MAP2K5: variants seen among roughly 807,000 people sequenced by gnomAD.
MAP2K5 encodes the protein mitogen-activated protein kinase kinase 5, also known as dual specificity mitogen-activated protein kinase kinase 5.
MAP2K5 carries 49 observed loss-of-function variants against 83.1 expected under a neutral mutation model. That is an observed-to-expected ratio of 0.59 (90% CI 0.47 to 0.75). The LOEUF (loss-of-function observed/expected upper bound fraction) is 0.75. Among genes scored for constraint, MAP2K5 ranks in the 30% least tolerant of loss-of-function variants. The pLI, the probability that MAP2K5 is intolerant of heterozygous loss-of-function variation, is 0.00. For missense variants in MAP2K5, 457 were observed against 557.5 expected (o/e 0.82, Z 1.82); for synonymous variants, 202 against 191.8 (o/e 1.05, Z -0.44).
rs1206833399 is a variant in MAP2K5, at chr15:67,559,111, G to A, written c.185-4172G>A. 2.6e-5 allele frequency among the ~76,000 whole-genome samples: 4 copies of A among 152,216 alleles called. No homozygotes were observed. Among genetic ancestry groups the A allele is most frequent in the African/African-American group, 9.6e-5 (4 of 41,452 alleles). On this transcript the variant is annotated intron_variant, in intron 2 of 21. Coordinates refer to ENST00000178640, the MANE Select transcript of MAP2K5 (RefSeq NM_145160.3). This position sits in a 1 kb window ranked among gnomAD's most constrained non-coding sequence, Gnocchi z 4.7. ...TTTAAACATGACATCTTTTCCGGTA[G>A]TTTCCTGTTGATGTCTTTCTAACTT...
At position 67,779,246 on chromosome 15, in the gene MAP2K5, CTGTT is replaced by C. The variant is rs369612381; in HGVS notation, c.1242+6498_1242+6501del. ...AAGTTCTGAAGGCCATTAAAATCAT[CTGTT>C]TGTGTCTGCTTATAAAGAGGAACCC... On this transcript the variant is annotated intron_variant, in intron 21 of 21. Coordinates refer to ENST00000178640, the MANE Select transcript of MAP2K5 (RefSeq NM_145160.3). The surrounding 1 kb of genome is among the most constrained non-coding windows in gnomAD (Gnocchi z 4.6). Among the ~76,000 whole-genome samples, 96 of 152,278 alleles carry C rather than the reference CTGTT, an allele frequency of 6.3e-4. 1 individual carries two copies. In the East Asian group the frequency reaches 0.016, roughly 26 times the overall value.
intron 8 of MAP2K5, among the ~76,000 whole-genome samples, chr15:67,603,708 T>G (rs531374483): frequency 1.9e-4 from 29 of 152,352 alleles, no homozygotes; most frequent in Middle Eastern, 6.8e-3. Context: ...CATTGATAAA[T>G]GAGGATCCAC....
rs2089703822 is a variant in MAP2K5, at chr15:67,750,899, A to C, written c.1134+2298A>C. On this transcript the variant is annotated intron_variant, in intron 19 of 21. Transcript: ENST00000178640. The surrounding 1 kb of genome is among the most constrained non-coding windows in gnomAD (Gnocchi z 4.2). ...TATATACTATTTCCTGTTAGAGAAAAGTCAGATCAAAAATTACTTCCCCTG... is the reference window on the plus strand; with the variant it reads ...TATATACTATTTCCTGTTAGAGAAACGTCAGATCAAAAATTACTTCCCCTG... Among the ~76,000 whole-genome samples the C allele has an allele frequency of 6.6e-6, 1 of 152,132 alleles. No homozygotes were observed. Among genetic ancestry groups the C allele is most frequent in the Non-Finnish European group, 1.5e-5 (1 of 68,028 alleles).
intron 11 of MAP2K5, among the ~76,000 whole-genome samples, chr15:67,648,350 C>T (rs2086875319): frequency 6.6e-6 from 1 of 152,100 alleles, no homozygotes; most frequent in Non-Finnish European, 1.5e-5. Flanking sequence ...TGTCTGGCTT[C>T]CTTTACTTAG....
At chr15:67,739,385 C>T (rs377516957) in intron 17 of MAP2K5, among the ~76,000 whole-genome samples, 11 of 135,456 alleles carry the variant, frequency 8.1e-5, no homozygotes, top group African/African-American at 2.5e-4. Context: ...ACAGTCAAGC[C>T]AGTAAGACAC....
chr15:67,630,122 T>C (rs1461126959), intron 8 of MAP2K5, among the ~76,000 whole-genome samples: 1 of 152,194 alleles, frequency 6.6e-6, no homozygotes, highest in African/African-American at 2.4e-5. Flanking sequence ...TAGTCCTAGC[T>C]ACTCAGGAGG....
intron 19 of MAP2K5, among the ~76,000 whole-genome samples, chr15:67,762,213 G>A (rs1338873426): frequency 6.6e-6 from 1 of 152,164 alleles, no homozygotes; most frequent in Non-Finnish European, 1.5e-5. Context: ...TTTTACTTTT[G>A]TAAATGAAAT....
At chr15:67,761,753 T>G (rs1170708061) in intron 19 of MAP2K5, among the ~76,000 whole-genome samples, 1 of 152,232 alleles carries the variant, frequency 6.6e-6, no homozygotes, top group Non-Finnish European at 1.5e-5. Context: ...AGATCAATTT[T>G]TTTTCATTTA....
chr15:67,663,936 A>C (rs558032163), intron 12 of MAP2K5, among the ~76,000 whole-genome samples: 1 of 152,240 alleles, frequency 6.6e-6, no homozygotes, highest in Admixed American at 6.5e-5. Context: ...TACACACAGA[A>C]GTATAGAAAA....
rs1407118936 is a variant in MAP2K5, at chr15:67,565,186, C to T, written c.252+1836C>T. 6.6e-6 allele frequency among the ~76,000 whole-genome samples: 1 copy of T among 152,100 alleles called. No homozygotes were observed. The highest frequency in any genetic ancestry group is 2.4e-5 in the African/African-American group (1 of 41,416). ...CATTTACTGTTTTACACTGTCTCTC[C>T]CCCACCTTCCTCTTTGCAGGATTTT... On this transcript the variant is annotated intron_variant, in intron 3 of 21. Transcript: ENST00000178640. This position sits in a 1 kb window ranked among gnomAD's most constrained non-coding sequence, Gnocchi z 4.1.
At position 67,768,379 on chromosome 15, in the gene MAP2K5, G is replaced by A. The variant is rs149731472; in HGVS notation, c.1135-1223G>A. Among the ~76,000 whole-genome samples, 305 of 152,054 alleles carry A rather than the reference G, an allele frequency of 2.0e-3. 2 individuals carry two copies. Among genetic ancestry groups the A allele is most frequent in the Middle Eastern group, 3.4e-3 (1 of 294 alleles). On this transcript the variant is annotated intron_variant, in intron 19 of 21. Transcript: ENST00000178640. This position sits in a 1 kb window ranked among gnomAD's most constrained non-coding sequence, Gnocchi z 4.0. ...CACTACATCAAAGCTATTTCCTCTCGTTCTCAATAATGAATACATGCATGC... is the reference window on the plus strand; with the variant it reads ...CACTACATCAAAGCTATTTCCTCTCATTCTCAATAATGAATACATGCATGC...
At chr15:67,607,126 T>C (rs914214253) in intron 8 of MAP2K5, among the ~76,000 whole-genome samples, 5 of 152,226 alleles carry the variant, frequency 3.3e-5, no homozygotes, top group Admixed American at 2.6e-4. Flanking sequence ...GTTTGATTTA[T>C]TTTGACTTTA....
At chr15:67,602,088 T>A (rs2085670439) in intron 8 of MAP2K5, among the ~76,000 whole-genome samples, 1 of 152,264 alleles carries the variant, frequency 6.6e-6, no homozygotes, top group African/African-American at 2.4e-5. Flanking sequence ...AGGTCCAATG[T>A]GTCTAATGAT....
At chr15:67,805,691 C>T (rs887690295) in intron 21 of MAP2K5, among the ~76,000 whole-genome samples, 8 of 152,200 alleles carry the variant, frequency 5.3e-5, no homozygotes, top group Non-Finnish European at 1.0e-4. Flanking sequence ...CATTCTCTGT[C>T]CTCGCTATGG....
Position 67,794,539 on chromosome 15 carries a change from T to TA in MAP2K5, c.1243-12106dup, listed in dbSNP as rs1224578032. On this transcript the variant is annotated intron_variant, in intron 21 of 21. Coordinates refer to ENST00000178640, the MANE Select transcript of MAP2K5 (RefSeq NM_145160.3). This position sits in a 1 kb window ranked among gnomAD's most constrained non-coding sequence, Gnocchi z 4.6. ...TAGGTCTGATGACTTTGACCTTTGTTACGCTCTTCTTCCAAATTTTCCCCA... is the reference window on the plus strand; with the variant it reads ...TAGGTCTGATGACTTTGACCTTTGTTAACGCTCTTCTTCCAAATTTTCCCCA... Among the ~76,000 whole-genome samples, 2 of 151,814 alleles carry TA rather than the reference T, an allele frequency of 1.3e-5. No homozygotes were observed. The highest frequency in any genetic ancestry group is 4.8e-5 in the African/African-American group (2 of 41,256).
At chr15:67,705,646 G>T (rs1219558487) in intron 16 of MAP2K5, among the ~76,000 whole-genome samples, 1 of 152,110 alleles carries the variant, frequency 6.6e-6, no homozygotes, top group East Asian at 1.9e-4. Context: ...TGAGGCAGGA[G>T]AATCACTTGA....
At chr15:67,759,542 A>T (rs2089908682) in intron 19 of MAP2K5, among the ~76,000 whole-genome samples, 1 of 146,816 alleles carries the variant, frequency 6.8e-6, no homozygotes, top group Admixed American at 6.9e-5. Context: ...CCTGGATGAC[A>T]GAGCGAGACT....
At chr15:67,805,833 T>C (rs2090793470) in intron 21 of MAP2K5, among the ~76,000 whole-genome samples, 2 of 152,242 alleles carry the variant, frequency 1.3e-5, no homozygotes, top group Non-Finnish European at 2.9e-5. Flanking sequence ...CTTTCACCTC[T>C]GACTGTGGCC....
At chr15:67,706,012 C>T (rs2088544130) in intron 16 of MAP2K5, among the ~76,000 whole-genome samples, 1 of 152,182 alleles carries the variant, frequency 6.6e-6, no homozygotes, top group African/African-American at 2.4e-5. Context: ...TTAGGTATTA[C>T]TCTTAGAAGA....
Sources: gnomAD v4.1 joint callset for allele counts (sites outside exome capture counted in the v4.1 genomes callset) on GRCh38, gnomAD v4.1.1 for gene constraint, Gnocchi (gnomAD v3.1) non-coding constraint, MANE v1.5 for transcripts, NCBI Gene and HGNC (gene_info 2026-07-23, HGNC 2026-07-21) for gene names.